RPL5: variants seen among roughly 807,000 people sequenced by gnomAD.
RPL5 encodes ribosomal protein L5, also known as large ribosomal subunit protein uL18.
In RPL5, 1 loss-of-function variant was observed where a neutral mutation model predicts 38.4. The ratio of observed to expected loss-of-function variants is 0.03; its 90% CI spans 0.01 to 0.12. The LOEUF is 0.12. Ranked by LOEUF, RPL5 falls within the 10% of genes least tolerant of loss-of-function variation. The pLI, the probability that RPL5 is intolerant of heterozygous loss-of-function variation, is 1.00. For synonymous variants in RPL5, 109 were observed against 121.2 expected (o/e 0.90, Z 0.66); for missense variants, 243 against 374.1 (o/e 0.65, Z 2.89).
rs780882370 is a variant in RPL5 at position 92,832,993 on chromosome 1, G to A, written c.4-396G>A. On this transcript the variant is annotated intron_variant, in intron 1 of 7. Coordinates refer to ENST00000370321, the MANE Select transcript of RPL5 (RefSeq NM_000969.5). ...TTGGCATCACTGATTGCTGTCTGGA[G>A]CAGTGCTTCGCAAAAGTTTGGCACA... 14 of 735,864 alleles carry A rather than the reference G, an allele frequency of 1.9e-5. No homozygotes were observed. In the African/African-American group the frequency reaches 2.2e-4, roughly 12 times the overall value. The allele number at this position is 735,864 out of a possible 1,614,324, so 45.6% of individuals were successfully genotyped here. A position where few individuals can be genotyped will look rare whatever the true frequency, so the allele number is the denominator to read the frequency against.
At chr1:92,834,443 C>T (rs1272474821) in intron 3 of RPL5, among the ~76,000 whole-genome samples, 3 of 152,152 alleles carry the variant, frequency 2.0e-5, no homozygotes, top group Admixed American at 6.5e-5. Context: ...TGATATTTTG[C>T]AGCAGGTAGG....
rs201525257 is a variant in RPL5 at position 92,832,104 on chromosome 1, T to C, written c.-11T>C. On this transcript the variant is annotated 5_prime_UTR_variant, in exon 1 of 8. Coordinates refer to ENST00000370321, the MANE Select transcript of RPL5 (RefSeq NM_000969.5). Reference sequence around the variant, plus strand: ...CTGTCGAGCAGCGGACGCCGGTCTCTGTTCCGCAGGATGGTGAGTGGATGC... The same window carrying C: ...CTGTCGAGCAGCGGACGCCGGTCTCCGTTCCGCAGGATGGTGAGTGGATGC... The C allele has an allele frequency of 4.3e-6, 7 of 1,614,132 alleles. No individual in the cohort carries two copies. Among genetic ancestry groups the C allele is most frequent in the Non-Finnish European group, 5.9e-6 (7 of 1,180,010 alleles).
chr1:92,832,583 G>A (rs1686952421), intron 1 of RPL5, among the ~76,000 whole-genome samples: 2 of 152,246 alleles, frequency 1.3e-5, no homozygotes, highest in African/African-American at 4.8e-5. Flanking sequence ...TTAGATTTAG[G>A]AAGCTTGTGC....
At position 92,832,109 on chromosome 1, in the gene RPL5, C is replaced by T. The variant is rs199523145; in HGVS notation, c.-6C>T. The T allele has an allele frequency of 6.2e-5, 100 of 1,614,014 alleles. No homozygotes were observed. The highest frequency in any genetic ancestry group is 1.6e-4 in the Middle Eastern group (1 of 6,084). ...GAGCAGCGGACGCCGGTCTCTGTTC[C>T]GCAGGATGGTGAGTGGATGCCTCGG... On this transcript the variant is annotated 5_prime_UTR_variant, in exon 1 of 8. Transcript: ENST00000370321.
chr1:92,835,047 G>A (rs1160892948), intron 4 of RPL5, 134 bp downstream of exon 4: 1 of 1,265,818 alleles, frequency 7.9e-7, no homozygotes, highest in African/African-American at 1.5e-5. Flanking sequence ...TTTCTGCTTT[G>A]TTAATGGATC....
chr1:92,837,597 C>G lies in RPL5; in HGVS notation c.669C>G (p.Phe223Leu), dbSNP rs749988750. 1 of 1,611,956 alleles carries G rather than the reference C, an allele frequency of 6.2e-7. No individual in the cohort carries two copies. The highest frequency in any genetic ancestry group is 8.5e-7 in the Non-Finnish European group (1 of 1,179,740). ...EEDEDAYKKQ[F>L]SQYIKNSVTP... ...ATGAAGATGCTTACAAGAAACAGTT[C>G]TCTCAATACATAAAGAACAGCGTAA... Residue 223 changes from phenylalanine to leucine, a missense_variant, in exon 6 of 8, where the codon TTC becomes TTG. Physicochemically the swap from Phe to Leu is conservative, Grantham distance 22. Transcript: ENST00000370321.
chr1:92,833,784 T>G, intron 3 of RPL5, 124 bp downstream of exon 3: 1 of 782,362 alleles, frequency 1.3e-6, no homozygotes, highest in Non-Finnish European at 2.1e-6. Flanking sequence ...AGTGAATAAT[T>G]TTTCCTTTTA....
At chr1:92,837,719 T>G (rs1285507428) in intron 6 of RPL5, 86 bp downstream of exon 6, 1 of 1,074,304 alleles carries the variant, frequency 9.3e-7, no homozygotes, top group Non-Finnish European at 1.4e-6. Flanking sequence ...AACATTCTTA[T>G]ATAGGTGTGT....
At chr1:92,836,627 G>A in intron 5 of RPL5, 1 of 534,068 alleles carries the variant, frequency 1.9e-6, no homozygotes, top group Non-Finnish European at 3.4e-6. Flanking sequence ...GTTATTGAAA[G>A]AGATGGGATT....
intron 7 of RPL5, 118 bp downstream of exon 7, chr1:92,840,757 AGCGAAGGGAACCAGGTTT>A: frequency 1.2e-6 from 1 of 817,226 alleles, no homozygotes; most frequent in Non-Finnish European, 2.1e-6. Context: ...ATGTGGCAGA[AGCGAAGGGAACCAGGTTT>A]GCAAAAGTAA....
upstream of RPL5, chr1:92,832,037 G>A: frequency 1.2e-6 from 2 of 1,601,966 alleles, no homozygotes; most frequent in South Asian, 1.1e-5. Flanking sequence ...CAAGGGCTGT[G>A]GCCCTTTTCC....
rs1360078737 is a variant in RPL5 at position 92,834,765 on chromosome 1, C to T, written c.190-14C>T. 1 of 1,612,490 alleles carries T rather than the reference C, an allele frequency of 6.2e-7. No individual in the cohort carries two copies. Among genetic ancestry groups the T allele is most frequent in the Non-Finnish European group, 8.5e-7 (1 of 1,179,856 alleles). ...AAGCAACAGATTACTAACCTAGTTT[C>T]TCTCTTACTATAGATTGCTTATGCC... On this transcript the variant is annotated splice_polypyrimidine_tract_variant and intron_variant, in intron 3 of 7. Transcript: ENST00000370321.
chr1:92,832,186 C>G (rs1686933768), intron 1 of RPL5, 69 bp downstream of exon 1: 1 of 1,603,990 alleles, frequency 6.2e-7, no homozygotes, highest in African/African-American at 1.3e-5. Context: ...GTATGCCAGC[C>G]TAGGGCCCGT....
chr1:92,841,381 T>G (rs1354574021), intron 7 of RPL5, among the ~76,000 whole-genome samples: 1 of 152,254 alleles, frequency 6.6e-6, no homozygotes. Context: ...TAATAATCCA[T>G]TATGTATATG....
At chr1:92,841,694 T>G in intron 7 of RPL5, 72 bp from the exon 8 acceptor site, 1 of 951,354 alleles carries the variant, frequency 1.1e-6, no homozygotes. Flanking sequence ...TTAAATTTTA[T>G]TAAAATTTTA....
chr1:92,835,989 C>A (rs1403467133), intron 4 of RPL5, among the ~76,000 whole-genome samples: 2 of 151,736 alleles, frequency 1.3e-5, no homozygotes, highest in South Asian at 4.2e-4. Flanking sequence ...AAAATTGTTT[C>A]AAGTGAAATT....
chr1:92,832,163 C>T (rs759783048), intron 1 of RPL5, 46 bp downstream of exon 1: 20 of 1,612,788 alleles, frequency 1.2e-5, no homozygotes, highest in Non-Finnish European at 1.7e-5. Context: ...ATGGAGGTTC[C>T]CTTTTCTTGC....
At chr1:92,838,706 C>A (rs1467534167) in intron 6 of RPL5, among the ~76,000 whole-genome samples, 2 of 152,166 alleles carry the variant, frequency 1.3e-5, no homozygotes, top group Non-Finnish European at 2.9e-5. Flanking sequence ...TACATGTCTG[C>A]TTGTCTGACG....
At chr1:92,840,912 G>A (rs973453776) in intron 7 of RPL5, 1 of 555,356 alleles carries the variant, frequency 1.8e-6, no homozygotes, top group African/African-American at 1.9e-5. Context: ...GATCTTTCAT[G>A]TTTTGATCTT....
Sources: gnomAD v4.1 joint callset for allele counts (sites outside exome capture counted in the v4.1 genomes callset) on GRCh38, gnomAD v4.1.1 for gene constraint, MANE v1.5 for transcripts, NCBI Gene and HGNC (gene_info 2026-07-23, HGNC 2026-07-21) for gene names.